The following CCDC178 variants were observed in gnomAD, a reference collection of about 807,000 sequenced individuals.
CCDC178 encodes the protein coiled-coil domain containing 178.
A neutral mutation model predicts 117.4 loss-of-function variants in CCDC178; 126 were observed. That is an observed-to-expected ratio of 1.07 (90% CI 0.93 to 1.24). The LOEUF is 1.24. Ranked by LOEUF, CCDC178 falls within the 50% of genes most tolerant of loss-of-function variation. CCDC178 has a pLI of 0.00. For synonymous variants in CCDC178, 283 were observed against 313.4 expected (o/e 0.90, Z 1.02); for missense variants, 1,030 against 986.9 (o/e 1.04, Z -0.59).
chr18:33,423,884 G>A (rs2064071730), intron 2 of CCDC178, among the ~76,000 whole-genome samples: 1 of 152,158 alleles, frequency 6.6e-6, no homozygotes, highest in Non-Finnish European at 1.5e-5. Context: ...ATGATGGTAA[G>A]TGCCATCTAC....
At chr18:33,186,065 T>G (rs1032732857) in intron 20 of CCDC178, among the ~76,000 whole-genome samples, 8 of 152,054 alleles carry the variant, frequency 5.3e-5, no homozygotes, top group African/African-American at 1.9e-4. Flanking sequence ...TAATTTATTA[T>G]CTAATATATG....
chr18:33,127,355 T>C (rs2058019574), intron 20 of CCDC178, among the ~76,000 whole-genome samples: 1 of 152,186 alleles, frequency 6.6e-6, no homozygotes, highest in Non-Finnish European at 1.5e-5. Context: ...GAGTTCAGAC[T>C]ACATTTCTAG....
At chr18:33,415,372 TA>T (rs1568212300) in intron 2 of CCDC178, among the ~76,000 whole-genome samples, 5 of 152,048 alleles carry the variant, frequency 3.3e-5, no homozygotes. Flanking sequence ...TATGCAGCCA[TA>T]AAAAATGATG....
intron 15 of CCDC178, among the ~76,000 whole-genome samples, chr18:33,228,336 A>T (rs537134273): frequency 1.3e-5 from 2 of 152,264 alleles, no homozygotes; most frequent in African/African-American, 4.8e-5. Flanking sequence ...TTGTTTTTTT[A>T]ATTGTCAACT....
chr18:33,370,575 A>C (rs1383108085), intron 5 of CCDC178, among the ~76,000 whole-genome samples: 1 of 152,004 alleles, frequency 6.6e-6, no homozygotes, highest in Non-Finnish European at 1.5e-5. Flanking sequence ...ATATATTTTA[A>C]ATATTCCCTT....
Position 32,944,488 on chromosome 18 carries a change from T to C in CCDC178, c.2524-6397A>G, listed in dbSNP as rs2054303431. Among the ~76,000 whole-genome samples, 3 of 152,186 alleles carry C rather than the reference T, an allele frequency of 2.0e-5. No homozygotes were observed. In the South Asian group the frequency reaches 6.2e-4, roughly 31 times the overall value. ...AAAGAATCACCATGTCTGTAGTACA[T>C]ATTAATTGAGATGTGGCTATAAAAT... On this transcript the variant is annotated intron_variant, in intron 22 of 22. Transcript: ENST00000383096.
intron 2 of CCDC178, among the ~76,000 whole-genome samples, chr18:33,428,861 GT>G (rs1219774117): frequency 6.7e-6 from 1 of 148,404 alleles, no homozygotes; most frequent in Non-Finnish European, 1.5e-5. Flanking sequence ...ACCCTTTAAT[GT>G]GCAATTGTGT....
rs2056314153 is a variant in CCDC178 at position 33,030,444 on chromosome 18, T to A, written c.2389-55763A>T. ...TCTGTCTTTAGATTAGATTGTTTAA[T>A]CCATTCACATTTAATGTTATTATCA... On this transcript the variant is annotated intron_variant, in intron 21 of 22. Coordinates refer to ENST00000383096, the MANE Select transcript of CCDC178 (RefSeq NM_001105528.4). Among the ~76,000 whole-genome samples the A allele has an allele frequency of 2.0e-5, 3 of 152,088 alleles. No individual in the cohort carries two copies. The South Asian group carries it at 6.2e-4, about 32-fold the overall frequency.
chr18:33,265,040 A>G (rs1010403937), intron 14 of CCDC178, among the ~76,000 whole-genome samples: 1 of 152,078 alleles, frequency 6.6e-6, no homozygotes, highest in Non-Finnish European at 1.5e-5. Flanking sequence ...CTTTTTCTTT[A>G]TAAAATAAAA....
intron 2 of CCDC178, among the ~76,000 whole-genome samples, chr18:33,415,459 A>G (rs1478954445): frequency 1.3e-5 from 2 of 151,852 alleles, no homozygotes; most frequent in African/African-American, 2.4e-5. Context: ...GGACAAAAAA[A>G]CAAACACCGC....
chr18:33,306,967 C>T (rs1599136442), intron 11 of CCDC178, among the ~76,000 whole-genome samples: 1 of 152,142 alleles, frequency 6.6e-6, no homozygotes, highest in Non-Finnish European at 1.5e-5. Context: ...TTTGCTTCCC[C>T]TTCCACTATG....
chr18:33,433,776 T>C (rs2144978439), intron 2 of CCDC178, among the ~76,000 whole-genome samples: 1 of 139,620 alleles, frequency 7.2e-6, no homozygotes, highest in East Asian at 2.2e-4. Context: ...TGACCAATAA[T>C]TCAATAGCAG....
chr18:33,266,355 T>C (rs1372087383), intron 14 of CCDC178, among the ~76,000 whole-genome samples: 1 of 151,708 alleles, frequency 6.6e-6, no homozygotes, highest in African/African-American at 2.4e-5. Context: ...GTAGTATATA[T>C]AGGGTTTGGT....
chr18:33,314,696 T>G (rs2062393489), intron 11 of CCDC178, among the ~76,000 whole-genome samples: 2 of 152,202 alleles, frequency 1.3e-5, no homozygotes, highest in Admixed American at 1.3e-4. Context: ...AACTGGATAC[T>G]ATGCTTACTT....
At chr18:33,133,572 T>G (rs1409005014) in intron 20 of CCDC178, among the ~76,000 whole-genome samples, 1 of 151,922 alleles carries the variant, frequency 6.6e-6, no homozygotes, top group Admixed American at 6.6e-5. Flanking sequence ...AGGTATCTAT[T>G]GTTTTACAAA....
At chr18:33,245,937 G>A (rs2059544539) in intron 14 of CCDC178, among the ~76,000 whole-genome samples, 1 of 151,810 alleles carries the variant, frequency 6.6e-6, no homozygotes, top group Admixed American at 6.6e-5. Flanking sequence ...CTAGATGCCA[G>A]CAGCACTGTC....
At chr18:33,132,298 A>G (rs2058075742) in intron 20 of CCDC178, among the ~76,000 whole-genome samples, 1 of 151,786 alleles carries the variant, frequency 6.6e-6, no homozygotes, top group African/African-American at 2.4e-5. Flanking sequence ...GTTACAAACG[A>G]CTTTTCAAGA....
At chr18:33,408,831 A>G (rs1026417608) in intron 3 of CCDC178, among the ~76,000 whole-genome samples, 13 of 152,206 alleles carry the variant, frequency 8.5e-5, no homozygotes, top group African/African-American at 3.1e-4. Context: ...TGCTGCCATG[A>G]AATGCAGTTT....
intron 3 of CCDC178, among the ~76,000 whole-genome samples, chr18:33,405,719 C>A (rs888730152): frequency 6.6e-6 from 1 of 151,844 alleles, no homozygotes; most frequent in Non-Finnish European, 1.5e-5. Flanking sequence ...TGTAGTACAA[C>A]AAAAATGAAG....
Sources: allele counts gnomAD v4.1 joint callset (sites outside exome capture counted in the v4.1 genomes callset), GRCh38; gene constraint gnomAD v4.1.1; transcripts MANE v1.5; gene names NCBI Gene and HGNC (gene_info 2026-07-23, HGNC 2026-07-21).